The following PDE4D variants were observed in gnomAD, a reference collection of about 807,000 sequenced individuals.
PDE4D encodes phosphodiesterase 4D.
Under a neutral mutation model 87.4 loss-of-function variants are expected in PDE4D, and 24 were observed. The observed-to-expected ratio is 0.27, with a 90% CI of 0.20 to 0.39. The LOEUF is 0.39. PDE4D is among the 10% of genes least tolerant of loss of function. The probability of loss-of-function intolerance (pLI) is 1.00; values close to 1 mark genes in which losing one functional copy is unlikely to be tolerated. For missense variants in PDE4D, 714 were observed against 1,041.0 expected (o/e 0.69, Z 4.32); for synonymous variants, 384 against 383.2 (o/e 1.00, Z -0.02).
chr5:59,145,692 G>A (rs192400364), intron 5 of PDE4D, among the ~76,000 whole-genome samples: 38 of 152,174 alleles, frequency 2.5e-4, no homozygotes, highest in African/African-American at 8.7e-4. Flanking sequence ...TAATATTATC[G>A]AGCCCTAATT....
intron 2 of PDE4D, among the ~76,000 whole-genome samples, chr5:60,150,283 G>C (rs890460384): frequency 6.6e-6 from 1 of 151,824 alleles, no homozygotes; most frequent in Non-Finnish European, 1.5e-5. Flanking sequence ...GTTCTTAGCT[G>C]GGCAAACTAG....
intron 1 of PDE4D, among the ~76,000 whole-genome samples, chr5:60,502,931 T>C (rs920192724): frequency 1.3e-5 from 2 of 152,168 alleles, no homozygotes; most frequent in Non-Finnish European, 2.9e-5. Flanking sequence ...TATTCAGCAT[T>C]ATAGACAATA....
chr5:60,198,683 G>A (rs1487044615), intron 1 of PDE4D, among the ~76,000 whole-genome samples: 1 of 151,552 alleles, frequency 6.6e-6, no homozygotes, highest in East Asian at 1.9e-4. Context: ...AACACCAAGA[G>A]CCTCAGCGAG....
chr5:60,063,477 T>C (rs1771718907), intron 2 of PDE4D, among the ~76,000 whole-genome samples: 1 of 152,142 alleles, frequency 6.6e-6, no homozygotes, highest in African/African-American at 2.4e-5. Flanking sequence ...GCTGACTCCA[T>C]CTTGCTTCTA....
At chr5:59,056,445 T>G (rs1762376829) in intron 5 of PDE4D, among the ~76,000 whole-genome samples, 2 of 152,136 alleles carry the variant, frequency 1.3e-5, no homozygotes, top group South Asian at 4.2e-4. Flanking sequence ...TCTTGTGTTT[T>G]TTTTTACTTT....
At chr5:59,958,554 C>T (rs1759118720) in intron 3 of PDE4D, among the ~76,000 whole-genome samples, 1 of 152,078 alleles carries the variant, frequency 6.6e-6, no homozygotes, top group African/African-American at 2.4e-5. Context: ...CTTCAAAGAA[C>T]TTATAGTGAA....
intron 2 of PDE4D, among the ~76,000 whole-genome samples, chr5:60,020,773 C>T (rs1765985361): frequency 1.3e-5 from 2 of 152,162 alleles, no homozygotes; most frequent in Admixed American, 1.3e-4. Context: ...CTGATCTGGC[C>T]TAACAAATTG....
At chr5:59,906,879 G>T (rs1456046159) in intron 3 of PDE4D, among the ~76,000 whole-genome samples, 1 of 152,118 alleles carries the variant, frequency 6.6e-6, no homozygotes, top group East Asian at 1.9e-4. Context: ...CCACAACTGG[G>T]TATATACCCA....
At chr5:60,306,536 C>T (rs1044496997) in intron 1 of PDE4D, among the ~76,000 whole-genome samples, 3 of 151,726 alleles carry the variant, frequency 2.0e-5, no homozygotes, top group Admixed American at 6.6e-5. Flanking sequence ...ATCAGGACCC[C>T]AAGGAAGGCT....
At chr5:59,270,561 C>T (rs907663283) in intron 1 of PDE4D, among the ~76,000 whole-genome samples, 1 of 152,114 alleles carries the variant, frequency 6.6e-6, no homozygotes, top group African/African-American at 2.4e-5. Context: ...TATTTGCTAC[C>T]AGTAGAGAAT....
chr5:59,131,379 G>C (rs561467096), intron 5 of PDE4D, among the ~76,000 whole-genome samples: 77 of 152,252 alleles, frequency 5.1e-4, no homozygotes, highest in African/African-American at 1.8e-3. Context: ...ACAAGTACTA[G>C]TGAATTAAAA....
intron 1 of PDE4D, among the ~76,000 whole-genome samples, chr5:59,881,856 T>C (rs985440421): frequency 6.6e-6 from 1 of 152,124 alleles, no homozygotes; most frequent in East Asian, 1.9e-4. Context: ...GTTTGGGAGA[T>C]CTGAAAATAC....
chr5:59,612,237 T>TTTTTTA (rs113105324), intron 1 of PDE4D, among the ~76,000 whole-genome samples: 1 of 150,396 alleles, frequency 6.6e-6, no homozygotes, highest in Non-Finnish European at 1.5e-5. Context: ...ACACTGTTTT[T>TTTTTTA]TTTGTTTGTT....
chr5:60,258,227 T>C (rs1749302074), intron 1 of PDE4D, among the ~76,000 whole-genome samples: 1 of 151,912 alleles, frequency 6.6e-6, no homozygotes, highest in Non-Finnish European at 1.5e-5. Context: ...AATGCAGTGG[T>C]GTGTGAATAT....
intron 1 of PDE4D, among the ~76,000 whole-genome samples, chr5:60,342,440 G>A (rs1225547039): frequency 6.6e-6 from 1 of 152,170 alleles, no homozygotes; most frequent in Non-Finnish European, 1.5e-5. Flanking sequence ...AGTCTTTAAA[G>A]TGAAGCACCT....
At chr5:59,765,451 G>A (rs1762668929) in intron 1 of PDE4D, among the ~76,000 whole-genome samples, 1 of 152,164 alleles carries the variant, frequency 6.6e-6, no homozygotes, top group South Asian at 2.1e-4. Flanking sequence ...ATATAACCAA[G>A]ATAGATTAGC....
intron 5 of PDE4D, among the ~76,000 whole-genome samples, chr5:59,158,087 A>G (rs1398088029): frequency 6.6e-6 from 1 of 152,136 alleles, no homozygotes; most frequent in Non-Finnish European, 1.5e-5. Context: ...TGTTCTTGGT[A>G]TGTGCTCTTC....
chr5:59,677,125 TC>T (rs1471521769), intron 1 of PDE4D, among the ~76,000 whole-genome samples: 2 of 151,796 alleles, frequency 1.3e-5, no homozygotes, highest in African/African-American at 4.8e-5. Context: ...AAAGTTGAGA[TC>T]TTTTTTTTTA....
At chr5:60,312,165 C>T (rs910716685) in intron 1 of PDE4D, among the ~76,000 whole-genome samples, 1 of 152,092 alleles carries the variant, frequency 6.6e-6, no homozygotes, top group South Asian at 2.1e-4. Context: ...TAGATATATT[C>T]GAGACCTGAA....
Sources: gnomAD v4.1 joint callset for allele counts (sites outside exome capture counted in the v4.1 genomes callset) on GRCh38, gnomAD v4.1.1 for gene constraint, MANE v1.5 for transcripts, NCBI Gene and HGNC (gene_info 2026-07-23, HGNC 2026-07-21) for gene names.